The following ARL6IP6 variants were observed in gnomAD, a reference collection of about 807,000 sequenced individuals.
ARL6IP6 encodes the protein ARF like GTPase 6 interacting protein 6.
In ARL6IP6, 22 loss-of-function variants were observed where a neutral mutation model predicts 21.5. That is an observed-to-expected ratio of 1.02 (90% CI 0.73 to 1.46). The LOEUF is 1.46. ARL6IP6 is among the 40% of genes most tolerant of loss of function. ARL6IP6 has a pLI of 0.00. For synonymous variants in ARL6IP6, 164 were observed against 125.3 expected (o/e 1.31, Z -2.06); for missense variants, 388 against 299.8 (o/e 1.29, Z -2.17).
chr2:152,737,408 T>C (rs1404503619), intron 3 of ARL6IP6, among the ~76,000 whole-genome samples: 1 of 152,214 alleles, frequency 6.6e-6, no homozygotes, highest in Non-Finnish European at 1.5e-5. Flanking sequence ...AAATTATCTT[T>C]GCATTTTGTA....
intron 2 of ARL6IP6, chr2:152,732,568 G>T (rs531612486): frequency 4.4e-6 from 2 of 456,366 alleles, no homozygotes; most frequent in African/African-American, 2.0e-5. Flanking sequence ...CCCTTATGCT[G>T]TAAGTTGCAA....
chr2:152,751,194 G>T (rs958294945), intron 3 of ARL6IP6, among the ~76,000 whole-genome samples: 2 of 138,846 alleles, frequency 1.4e-5, no homozygotes, highest in Non-Finnish European at 3.3e-5. Context: ...AGTTTCCCAC[G>T]TTTGACTTTT....
intron 3 of ARL6IP6, among the ~76,000 whole-genome samples, chr2:152,750,527 A>T (rs1559241879): frequency 1.3e-5 from 2 of 151,412 alleles, no homozygotes; most frequent in African/African-American, 4.9e-5. Flanking sequence ...GGAGGGCGGA[A>T]GGAAGGAAAT....
chr2:152,729,953 T>C (rs960817216), intron 2 of ARL6IP6, among the ~76,000 whole-genome samples: 4 of 152,212 alleles, frequency 2.6e-5, no homozygotes, highest in Admixed American at 6.5e-5. Context: ...GGTACTGACT[T>C]GTAAAAAATT....
At chr2:152,742,158 T>C (rs1190931742) in intron 3 of ARL6IP6, among the ~76,000 whole-genome samples, 1 of 152,210 alleles carries the variant, frequency 6.6e-6, no homozygotes, top group Non-Finnish European at 1.5e-5. Context: ...GTATATATAG[T>C]CAGTATTTTA....
At position 152,735,068 on chromosome 2, in the gene ARL6IP6, T is replaced by A; in HGVS notation, c.529T>A (p.Phe177Ile). 6.2e-7 allele frequency: 1 copy of A among 1,613,724 alleles called. No individual in the cohort carries two copies. Among genetic ancestry groups the A allele is most frequent in the Non-Finnish European group, 8.5e-7 (1 of 1,179,674 alleles). ...CCSFSWTVTY[F>I]DSFEPGMFPP... ...CAGCTTTTCTTGGACAGTGACTTAC[T>A]TTGATTCTTTTGAACCAGGAATGTT... is the stretch of plus-strand genomic sequence containing the variant. The change falls in exon 3 of 4, where the codon TTT becomes ATT. Residue 177 changes from phenylalanine (F) to isoleucine (I), a missense_variant. Transcript: ENST00000326446.
At chr2:152,747,094 C>A (rs1701092839) in intron 3 of ARL6IP6, among the ~76,000 whole-genome samples, 1 of 151,978 alleles carries the variant, frequency 6.6e-6, no homozygotes, top group Non-Finnish European at 1.5e-5. Context: ...TCTCCCAAGG[C>A]ACTGGGATTA....
chr2:152,735,013 A>T lies in ARL6IP6; in HGVS notation c.474A>T (p.Ile158=). 6.2e-7 allele frequency: 1 copy of T among 1,613,176 alleles called. No homozygotes were observed. The highest frequency in any genetic ancestry group is 8.5e-7 in the Non-Finnish European group (1 of 1,179,190). Residue 158 remains isoleucine, a synonymous_variant, in exon 3 of 4, where the codon ATA becomes ATT. Transcript: ENST00000326446. ...TGLLGFWTLL[I]ISLTAGFSCC... ...GTTAAGGATTCTGGACTCTACTTAT[A>T]ATATCCCTAACTGCTGGATTCTCCT...
At chr2:152,731,886 G>A (rs950498403) in intron 2 of ARL6IP6, among the ~76,000 whole-genome samples, 2 of 151,830 alleles carry the variant, frequency 1.3e-5, no homozygotes, top group African/African-American at 2.4e-5. Context: ...TTATACAAAT[G>A]CATAGAGCTG....
chr2:152,749,064 C>G (rs935102628), intron 3 of ARL6IP6, among the ~76,000 whole-genome samples: 2 of 152,102 alleles, frequency 1.3e-5, no homozygotes, highest in Non-Finnish European at 2.9e-5. Flanking sequence ...TTGCCAAAGT[C>G]ATTGAATTCA....
intron 3 of ARL6IP6, among the ~76,000 whole-genome samples, chr2:152,742,281 T>C (rs551813544): frequency 2.6e-5 from 4 of 152,212 alleles, no homozygotes; most frequent in African/African-American, 9.6e-5. Flanking sequence ...CTAAAGATAA[T>C]CGTGGGCTGG....
chr2:152,726,596 C>T (rs1700062645), intron 2 of ARL6IP6, among the ~76,000 whole-genome samples: 1 of 152,202 alleles, frequency 6.6e-6, no homozygotes, highest in Non-Finnish European at 1.5e-5. Flanking sequence ...CTTACATAAA[C>T]ATTTAAAAAT....
At chr2:152,750,725 A>G (rs1701289464) in intron 3 of ARL6IP6, among the ~76,000 whole-genome samples, 1 of 152,152 alleles carries the variant, frequency 6.6e-6, no homozygotes, top group Non-Finnish European at 1.5e-5. Flanking sequence ...AGGAAACTTA[A>G]CCTTGTTAAT....
chr2:152,744,294 TC>T (rs1241954594), intron 3 of ARL6IP6, among the ~76,000 whole-genome samples: 1 of 152,158 alleles, frequency 6.6e-6, no homozygotes, highest in Non-Finnish European at 1.5e-5. Flanking sequence ...ACAGTATTCT[TC>T]AGGTGTCCTT....
intron 3 of ARL6IP6, among the ~76,000 whole-genome samples, chr2:152,751,642 A>G: frequency 6.6e-6 from 1 of 151,998 alleles, no homozygotes; most frequent in East Asian, 1.9e-4. Flanking sequence ...TTATCTTCTT[A>G]TGCCTGACTT....
rs67760283 is a variant in ARL6IP6, at chr2:152,746,001, C to CTTTTTTTTTTTTT, written c.587+10896_587+10908dup. Reference sequence around the variant, plus strand: ...CAGCTAATGAGTGCTTGCTTTGTACCTTTTTTTTTTTTTTTTTTTTTTTTT... The same window carrying CTTTTTTTTTTTTT: ...CAGCTAATGAGTGCTTGCTTTGTACCTTTTTTTTTTTTTTTTTTTTTTTTTTTTTTTTTTTTTT... On this transcript the variant is annotated intron_variant, in intron 3 of 3. Transcript: ENST00000326446. Among the ~76,000 whole-genome samples, 118 of 66,370 alleles carry CTTTTTTTTTTTTT rather than the reference C, an allele frequency of 1.8e-3. 2 individuals are homozygous for CTTTTTTTTTTTTT. Among genetic ancestry groups the CTTTTTTTTTTTTT allele is most frequent in the Non-Finnish European group, 2.4e-3 (101 of 41,756 alleles). 43.5% of individuals were successfully genotyped at this position (66,370 alleles called of 152,430 possible). A position where few individuals can be genotyped will look rare whatever the true frequency, so the allele number is the denominator to read the frequency against.
At position 152,723,968 on chromosome 2, in the gene ARL6IP6, G is replaced by C. The variant is rs192538884; in HGVS notation, c.454+3382G>C. On this transcript the variant is annotated intron_variant, in intron 2 of 3. Transcript: ENST00000326446. ...ATAATTTGAACCTATACTCTATTAA[G>C]AAAGTGTTACAGTGCTATCTGTGGC... 6.0e-3 allele frequency among the ~76,000 whole-genome samples: 913 copies of C among 152,102 alleles called. 8 individuals carry two copies. The highest frequency in any genetic ancestry group is 0.02 in the Middle Eastern group (6 of 294).
intron 3 of ARL6IP6, among the ~76,000 whole-genome samples, chr2:152,757,448 C>T (rs1240450710): frequency 1.3e-5 from 2 of 152,084 alleles, no homozygotes; most frequent in African/African-American, 4.8e-5. Context: ...ATTTAATTAT[C>T]ATTTATTGAA....
At chr2:152,735,163 A>T in intron 3 of ARL6IP6, 37 bp downstream of exon 3, 1 of 1,606,656 alleles carries the variant, frequency 6.2e-7, no homozygotes, top group Non-Finnish European at 8.5e-7. Flanking sequence ...TTTTAAATGC[A>T]TTTCAACTCT....
Sources: allele counts gnomAD v4.1 joint callset (sites outside exome capture counted in the v4.1 genomes callset), GRCh38; gene constraint gnomAD v4.1.1; transcripts MANE v1.5; gene names NCBI Gene and HGNC (gene_info 2026-07-23, HGNC 2026-07-21).